C7: variants seen among roughly 807,000 people sequenced by gnomAD.
C7 encodes the protein complement component C7.
A neutral mutation model predicts 104.8 loss-of-function variants in C7; 83 were observed. The ratio of observed to expected loss-of-function variants is 0.79; its 90% CI spans 0.66 to 0.95. The LOEUF is 0.95. C7 is among the 40% of genes least tolerant of loss of function. The pLI is 0.00. For missense variants in C7, 1,070 were observed against 1,011.2 expected, an observed-to-expected ratio of 1.06 and a Z score of -0.79; for synonymous variants, 415 against 360.6, an observed-to-expected ratio of 1.15 and a Z score of -1.71.
In C7 at chr5:40,937,677, C is replaced by T. The variant is rs759620494; in HGVS notation, c.554C>T (p.Ser185Phe). The change falls in exon 6 of 18, where the codon TCC (serine) becomes TTC (phenylalanine). Residue 185 changes from serine to phenylalanine, a missense_variant. By Grantham distance (155) the Ser-to-Phe change is radical. Transcript: ENST00000313164. The stretch of plus-strand genomic sequence containing the variant: ...TACAGGCTGAGTGGAAATGTCCTGT[C>T]CTATACATTCCAGGTACTTACGACG... ...DFYRLSGNVL[S>F]YTFQVKINND... 8.2e-6 allele frequency: 13 copies of T among 1,586,900 alleles called. No homozygotes were observed. Among genetic ancestry groups the T allele is most frequent in the Non-Finnish European group, 8.6e-6 (10 of 1,165,104 alleles).
chr5:40,934,512 C>T lies in C7; in HGVS notation c.280+46C>T, dbSNP rs374671900. On this transcript the variant is annotated intron_variant, in intron 4 of 17. Transcript: ENST00000313164. ...TCAGCATGCAGATTGTAAATTCAAACGTTATTTGGTGAACTTGCTCGTTAT... is the reference window on the plus strand; with the variant it reads ...TCAGCATGCAGATTGTAAATTCAAATGTTATTTGGTGAACTTGCTCGTTAT... 102 of 1,585,326 alleles carry T rather than the reference C, an allele frequency of 6.4e-5. No individual in the cohort carries two copies. In the African/African-American group the frequency reaches 9.4e-4, roughly 15 times the overall value.
In C7 at chr5:40,954,274, A is replaced by G. The variant is rs187466995; in HGVS notation, c.1094-1113A>G. Among the ~76,000 whole-genome samples, 319 of 152,264 alleles carry G rather than the reference A, an allele frequency of 2.1e-3. 1 individual carries two copies. Among genetic ancestry groups the G allele is most frequent in the Non-Finnish European group, 3.7e-3 (249 of 68,012 alleles). ...TATAGACAAGAATGTTGTAATAAATACCCATATACCCATTTCCTATATACA... is the reference window on the plus strand; with the variant it reads ...TATAGACAAGAATGTTGTAATAAATGCCCATATACCCATTTCCTATATACA... On this transcript the variant is annotated intron_variant, in intron 9 of 17. Coordinates refer to ENST00000313164, the MANE Select transcript of C7 (RefSeq NM_000587.4).
intron 16 of C7, among the ~76,000 whole-genome samples, chr5:40,979,012 T>C (rs1042755633): frequency 2.0e-5 from 3 of 151,230 alleles, no homozygotes; most frequent in Non-Finnish European, 4.4e-5. Context: ...CCTGAGTAGC[T>C]GGGATTACAG....
intron 1 of C7, among the ~76,000 whole-genome samples, chr5:40,910,826 A>G (rs892072265): frequency 2.0e-5 from 3 of 151,342 alleles, no homozygotes; most frequent in African/African-American, 7.3e-5. Context: ...ACAAGAAAAG[A>G]AAATGATGCT....
At chr5:40,977,725 C>T (rs371581468) in intron 16 of C7, among the ~76,000 whole-genome samples, 5 of 152,278 alleles carry the variant, frequency 3.3e-5, no homozygotes, top group Non-Finnish European at 7.3e-5. Flanking sequence ...AGGAAGTCCA[C>T]GATGTGGCCC....
rs1008057313 is a variant in C7, at chr5:40,982,835, T to C, written c.*1262T>C. ...CTTAAATGAAATTTAAAATAAGCTA[T>C]ATTATACAAATACTATCTCTGTATT... On this transcript the variant is annotated 3_prime_UTR_variant, in exon 18 of 18. Coordinates refer to ENST00000313164, the MANE Select transcript of C7 (RefSeq NM_000587.4). The C allele has an allele frequency of 6.6e-6, 1 of 152,368 alleles. No homozygotes were observed. The highest frequency in any genetic ancestry group is 6.5e-5 in the Admixed American group (1 of 15,280). The allele number at this position is 152,368 out of a possible 1,614,324, so 9.4% of individuals were successfully genotyped here. A position where few individuals can be genotyped will look rare whatever the true frequency, so the allele number is the denominator to read the frequency against.
chr5:40,951,787 T>G (rs1240520280), intron 9 of C7, among the ~76,000 whole-genome samples: 1 of 152,144 alleles, frequency 6.6e-6, no homozygotes, highest in Non-Finnish European at 1.5e-5. Context: ...TGGTTCTCAG[T>G]GAAGAAGCAG....
At chr5:40,942,170 T>C (rs1373022747) in intron 6 of C7, among the ~76,000 whole-genome samples, 1 of 152,166 alleles carries the variant, frequency 6.6e-6, no homozygotes, top group Non-Finnish European at 1.5e-5. Context: ...GAATTTAAGA[T>C]AATTAATTAT....
chr5:40,977,034 G>C lies in C7; in HGVS notation c.2165+194G>C, dbSNP rs115911870. ...GGGCTGACAGCCATGGCATTAAGCA[G>C]TGTTCTAATCTGGCTAGTGGAGAAG... On this transcript the variant is annotated intron_variant, in intron 16 of 17. Transcript: ENST00000313164. Among the ~76,000 whole-genome samples, 1,258 of 152,338 alleles carry C rather than the reference G, an allele frequency of 8.3e-3. 10 individuals carry two copies. Among genetic ancestry groups the C allele is most frequent in the Middle Eastern group, 0.017 (5 of 294 alleles).
Position 40,981,937 on chromosome 5 carries a change from AC to A in C7, c.*365del, listed in dbSNP as rs1740957558. On this transcript the variant is annotated 3_prime_UTR_variant, in exon 18 of 18. Coordinates refer to ENST00000313164, the MANE Select transcript of C7 (RefSeq NM_000587.4). ...TATCATTTTATTAAGTATGATTGAC[AC>A]AGCCCATGGGCCAGAACACACTCTA... 1 of 166,306 alleles carries A rather than the reference AC, an allele frequency of 6.0e-6. No individual in the cohort carries two copies. Among genetic ancestry groups the A allele is most frequent in the African/African-American group, 2.4e-5 (1 of 41,954 alleles). The allele number at this position is 166,306 out of a possible 1,614,324, so 10.3% of individuals were successfully genotyped here.
At chr5:40,935,499 C>T (rs1739793142) in intron 4 of C7, among the ~76,000 whole-genome samples, 2 of 152,138 alleles carry the variant, frequency 1.3e-5, no homozygotes, top group African/African-American at 4.8e-5. Context: ...GCCTGTGAGG[C>T]AGCGATGGTT....
chr5:40,924,166 A>G (rs377584572), intron 1 of C7, among the ~76,000 whole-genome samples: 1 of 152,240 alleles, frequency 6.6e-6, no homozygotes, highest in African/African-American at 2.4e-5. Context: ...ATTGGGGTAC[A>G]GGCATTGGGT....
rs1396497051 is a variant in C7, at chr5:40,981,747, C to T, written c.*174C>T. On this transcript the variant is annotated 3_prime_UTR_variant, in exon 18 of 18. Transcript: ENST00000313164. Reference sequence around the variant, plus strand: ...ATCCTTTGTTCTCCCAAATCTGAATCGAATTACTCTTTTGCCTCCTTTTTA... The same window carrying T: ...ATCCTTTGTTCTCCCAAATCTGAATTGAATTACTCTTTTGCCTCCTTTTTA... 1.5e-5 allele frequency: 8 copies of T among 529,078 alleles called. No homozygotes were observed. The highest frequency in any genetic ancestry group is 8.9e-5 in the East Asian group (3 of 33,828). 32.8% of individuals were successfully genotyped at this position (529,078 alleles called of 1,614,324 possible).
intron 16 of C7, 127 bp from the exon 17 acceptor site, chr5:40,979,598 T>A: frequency 1.1e-5 from 1 of 92,780 alleles, no homozygotes; most frequent in South Asian, 2.7e-4. Context: ...GTTTCCACCT[T>A]TTTTTTTTTT....
chr5:40,974,421 ATT>A (rs10560294), intron 15 of C7, among the ~76,000 whole-genome samples: 37,543 of 142,790 alleles, frequency 0.26, 6,813 homozygotes, highest in African/African-American at 0.54. Flanking sequence ...ATTATAATAC[ATT>A]TTTTTTTTTT....
In C7 at chr5:40,952,602, G is replaced by A. The variant is rs528392492; in HGVS notation, c.1093+2588G>A. 4.9e-4 allele frequency among the ~76,000 whole-genome samples: 74 copies of A among 151,906 alleles called. 1 individual carries two copies. The highest frequency in any genetic ancestry group is 1.5e-3 in the Admixed American group (23 of 15,240). ...GTTGGTGTGCTACACCCATTAACTC[G>A]TCATTTACATTAGGTATATCTCCTA... On this transcript the variant is annotated intron_variant, in intron 9 of 17. Coordinates refer to ENST00000313164, the MANE Select transcript of C7 (RefSeq NM_000587.4).
rs572048232 is a variant in C7, at chr5:40,945,281, A to G, written c.651A>G (p.Ser217=). 2.4e-5 allele frequency: 39 copies of G among 1,602,878 alleles called. No homozygotes were observed. In the South Asian group the frequency reaches 2.5e-4, roughly 10 times the overall value. ...YVKHTSTEHT[S]SSRKRSFFRS... ...AACATACGTCGACAGAACACACATCATCTAGTCGGAAGCGCTCCTTTTTTA... is the reference window on the plus strand; with the variant it reads ...AACATACGTCGACAGAACACACATCGTCTAGTCGGAAGCGCTCCTTTTTTA... Residue 217 remains serine (S), a synonymous_variant, in exon 7 of 18, where the codon TCA becomes TCG. Transcript: ENST00000313164.
At chr5:40,979,055 T>C (rs1227927256) in intron 16 of C7, among the ~76,000 whole-genome samples, 1 of 151,842 alleles carries the variant, frequency 6.6e-6, no homozygotes, top group African/African-American at 2.4e-5. Flanking sequence ...AATTTTTATA[T>C]GCTTAGTAGA....
intron 8 of C7, 73 bp from the exon 9 acceptor site, chr5:40,949,831 C>A: frequency 1.1e-6 from 1 of 902,808 alleles, no homozygotes; most frequent in East Asian, 2.6e-5. Flanking sequence ...AACCTCTTAT[C>A]CCTACTCTCA....
Sources: allele counts gnomAD v4.1 joint callset (sites outside exome capture counted in the v4.1 genomes callset), GRCh38; gene constraint gnomAD v4.1.1; transcripts MANE v1.5; gene names NCBI Gene and HGNC (gene_info 2026-07-23, HGNC 2026-07-21).